The following UTRN variants were observed in gnomAD, a reference collection of about 807,000 sequenced individuals.
UTRN encodes dystrophin-related protein 1.
In UTRN, 283 loss-of-function variants were observed where a neutral mutation model predicts 463.9. That is an observed-to-expected ratio of 0.61 (90% CI 0.55 to 0.67). UTRN has a LOEUF of 0.67. UTRN is among the 30% of genes least tolerant of loss of function. The pLI, the probability that UTRN is intolerant of heterozygous loss-of-function variation, is 0.00. For synonymous variants in UTRN, 1,442 were observed against 1,431.5 expected (o/e 1.01, Z -0.17); for missense variants, 3,922 against 4,084.3 (o/e 0.96, Z 1.08).
intron 50 of UTRN, among the ~76,000 whole-genome samples, chr6:144,561,670 T>A (rs980778151): frequency 1.3e-4 from 20 of 152,130 alleles, no homozygotes; most frequent in African/African-American, 3.6e-4. Context: ...TTGCCTTCTG[T>A]GCTAACCTAT....
At chr6:144,709,590 C>A (rs1785456213) in intron 53 of UTRN, among the ~76,000 whole-genome samples, 1 of 152,086 alleles carries the variant, frequency 6.6e-6, no homozygotes, top group South Asian at 2.1e-4. Context: ...CTAATTCATT[C>A]TCTAATCTTA....
At chr6:144,538,669 CAA>C (rs58250042) in intron 44 of UTRN, among the ~76,000 whole-genome samples, 22 of 79,332 alleles carry the variant, frequency 2.8e-4, no homozygotes, top group Non-Finnish European at 1.9e-4. Context: ...GACTCCGTCT[CAA>C]AAAAAAAAAA....
Position 144,330,970 on chromosome 6 carries a change from G to C in UTRN, c.79+39063G>C, listed in dbSNP as rs565847726. ...GGACACGCTGAGCCGACGAGAAATG[G>C]AAGTGAGATCTGAATCCACAAACGG... On this transcript the variant is annotated intron_variant, in intron 2 of 74. Transcript: ENST00000367545. The C allele has an allele frequency of 1.0e-5, 10 of 985,276 alleles. No individual in the cohort carries two copies. The South Asian group carries it at 4.2e-4, about 42-fold the overall frequency. The allele number at this position is 985,276 out of a possible 1,614,324, so 61.0% of individuals were successfully genotyped here. A position where few individuals can be genotyped will look rare whatever the true frequency, so the allele number is the denominator to read the frequency against.
chr6:144,695,530 A>G (rs1783910086), intron 52 of UTRN, among the ~76,000 whole-genome samples: 1 of 152,070 alleles, frequency 6.6e-6, no homozygotes, highest in Admixed American at 6.6e-5. Context: ...TTTTTAGTAG[A>G]GACGGGGTTT....
chr6:144,667,378 C>T (rs1359469901), intron 51 of UTRN, among the ~76,000 whole-genome samples: 2 of 152,044 alleles, frequency 1.3e-5, no homozygotes, highest in Non-Finnish European at 2.9e-5. Flanking sequence ...TGCTTCTCTT[C>T]AATGTGAAAG....
chr6:144,531,370 G>A (rs1007350997), intron 42 of UTRN, among the ~76,000 whole-genome samples, 168 bp downstream of exon 42: 3 of 152,106 alleles, frequency 2.0e-5, no homozygotes, highest in African/African-American at 7.2e-5. Context: ...TAAGAAATTG[G>A]TCAATCACAA....
At chr6:144,603,608 A>G (rs1282457779) in intron 51 of UTRN, among the ~76,000 whole-genome samples, 1 of 152,178 alleles carries the variant, frequency 6.6e-6, no homozygotes, top group Non-Finnish European at 1.5e-5. Context: ...AGAAATGCCA[A>G]TTACTAGGAA....
intron 73 of UTRN, among the ~76,000 whole-genome samples, chr6:144,842,503 C>A (rs111926898): frequency 6.6e-6 from 1 of 152,058 alleles, no homozygotes; most frequent in East Asian, 1.9e-4. Flanking sequence ...GCATGAGAAT[C>A]GCTTGAACCT....
At chr6:144,810,706 A>G (rs1173503849) in intron 65 of UTRN, among the ~76,000 whole-genome samples, 2 of 152,200 alleles carry the variant, frequency 1.3e-5, no homozygotes, top group Non-Finnish European at 2.9e-5. Context: ...AAAATTTTGT[A>G]GCTTGAAAGG....
At chr6:144,343,404 AC>A (rs1777301183) in intron 2 of UTRN, among the ~76,000 whole-genome samples, 1 of 139,378 alleles carries the variant, frequency 7.2e-6, no homozygotes, top group Non-Finnish European at 1.6e-5. Flanking sequence ...ACACACACAC[AC>A]ACACAATAGC....
intron 2 of UTRN, among the ~76,000 whole-genome samples, chr6:144,301,642 C>CT (rs936511702): frequency 5.6e-5 from 8 of 143,320 alleles, no homozygotes; most frequent in African/African-American, 2.0e-4. Flanking sequence ...TCAAGTGATT[C>CT]TTCTGCCTCA....
At chr6:144,448,385 G>T (rs1787904448) in intron 16 of UTRN, among the ~76,000 whole-genome samples, 1 of 152,224 alleles carries the variant, frequency 6.6e-6, no homozygotes, top group Admixed American at 6.5e-5. Context: ...CCACTGGTGG[G>T]AGTGGGGAAT....
intron 44 of UTRN, among the ~76,000 whole-genome samples, chr6:144,538,270 C>A (rs983687372): frequency 7.2e-5 from 11 of 151,800 alleles, no homozygotes; most frequent in Non-Finnish European, 1.5e-4. Flanking sequence ...TAAATATATC[C>A]AAATATCCAT....
intron 2 of UTRN, among the ~76,000 whole-genome samples, chr6:144,305,745 C>A (rs764527866): frequency 6.6e-6 from 1 of 152,188 alleles, no homozygotes; most frequent in African/African-American, 2.4e-5. Flanking sequence ...TTTGCCTTGA[C>A]CAGTAGGCTT....
intron 51 of UTRN, among the ~76,000 whole-genome samples, chr6:144,597,908 T>G (rs1803823855): frequency 1.3e-5 from 2 of 152,238 alleles, no homozygotes; most frequent in African/African-American, 4.8e-5. Context: ...ATTTTAAACT[T>G]CTTTATATCT....
intron 51 of UTRN, among the ~76,000 whole-genome samples, chr6:144,584,771 A>G (rs1802297996): frequency 1.3e-5 from 2 of 152,094 alleles, no homozygotes; most frequent in African/African-American, 4.8e-5. Context: ...TAAGAAGTTA[A>G]TTAAAACTTA....
chr6:144,316,040 C>T (rs1196975933), intron 2 of UTRN, among the ~76,000 whole-genome samples: 4 of 152,130 alleles, frequency 2.6e-5, no homozygotes, highest in Non-Finnish European at 4.4e-5. Flanking sequence ...GCACTACCTT[C>T]TCATCTTTCA....
At chr6:144,539,216 A>T in intron 44 of UTRN, 78 bp from the exon 45 acceptor site, 1 of 1,401,054 alleles carries the variant, frequency 7.1e-7, no homozygotes, top group Non-Finnish European at 9.5e-7. Context: ...AATAATACCA[A>T]AAAGGTTTCT....
intron 51 of UTRN, among the ~76,000 whole-genome samples, chr6:144,658,724 T>C (rs1025992276): frequency 1.1e-4 from 16 of 152,374 alleles, no homozygotes; most frequent in Middle Eastern, 3.4e-3. Flanking sequence ...ATTGGTATAC[T>C]GTATAGCTAT....
Sources: allele counts gnomAD v4.1 joint callset (sites outside exome capture counted in the v4.1 genomes callset), GRCh38; gene constraint gnomAD v4.1.1; transcripts MANE v1.5; gene names NCBI Gene and HGNC (gene_info 2026-07-23, HGNC 2026-07-21).